The following PDGFD variants were observed in gnomAD, a reference collection of about 807,000 sequenced individuals.
PDGFD encodes platelet-derived growth factor D.
Under a neutral mutation model 44.7 loss-of-function variants are expected in PDGFD, and 30 were observed. The observed-to-expected ratio is 0.67, with a 90% CI of 0.50 to 0.91. The LOEUF (loss-of-function observed/expected upper bound fraction) is 0.91, where lower values mean the gene tolerates loss of function less well. PDGFD is among the 40% of genes least tolerant of loss of function. PDGFD has a pLI of 0.00. For synonymous variants in PDGFD, 173 were observed against 168.4 expected, an observed-to-expected ratio of 1.03 and a Z score of -0.21; for missense variants, 445 against 457.8, an observed-to-expected ratio of 0.97 and a Z score of 0.25.
At chr11:103,979,543 G>A (rs75218552) in intron 3 of PDGFD, among the ~76,000 whole-genome samples, 4,126 of 152,176 alleles carry the variant, frequency 0.027, 200 homozygotes, top group African/African-American at 0.094. Flanking sequence ...CTGCCATGGC[G>A]ATTGAGAGGC....
rs546475755 is a variant in PDGFD, at chr11:104,011,660, T to A, written c.125-11405A>T. Among the ~76,000 whole-genome samples the A allele has an allele frequency of 4.9e-4, 75 of 152,222 alleles. 1 individual carries two copies. The highest frequency in any genetic ancestry group is 1.6e-3 in the African/African-American group (65 of 41,576). ...CATCTGATTTCAACTTCAAATATTA[T>A]CTTTGGTAGCATAATATATGGATGA... On this transcript the variant is annotated intron_variant, in intron 1 of 6. Transcript: ENST00000393158.
intron 1 of PDGFD, among the ~76,000 whole-genome samples, chr11:104,053,510 A>G (rs1315269019): frequency 1.3e-5 from 2 of 152,230 alleles, no homozygotes; most frequent in African/African-American, 4.8e-5. Flanking sequence ...AAAATGCTTC[A>G]GATTGGGTTA....
intron 1 of PDGFD, among the ~76,000 whole-genome samples, chr11:104,016,752 G>A (rs772667314): frequency 1.1e-4 from 17 of 152,166 alleles, no homozygotes; most frequent in South Asian, 4.1e-4. Flanking sequence ...GCCACTGTTC[G>A]AATGAAAACA....
chr11:103,912,579 C>T (rs927495355), intron 6 of PDGFD, among the ~76,000 whole-genome samples: 1 of 152,102 alleles, frequency 6.6e-6, no homozygotes, highest in East Asian at 1.9e-4. Context: ...AACTAACGGG[C>T]AAAATAACCA....
At chr11:104,053,355 C>A (rs79166597) in intron 1 of PDGFD, among the ~76,000 whole-genome samples, 1 of 152,014 alleles carries the variant, frequency 6.6e-6, no homozygotes, top group African/African-American at 2.4e-5. Context: ...GAAATTTAAC[C>A]CTTTGCATGT....
intron 1 of PDGFD, among the ~76,000 whole-genome samples, chr11:104,149,007 A>G (rs1163625435): frequency 6.6e-6 from 1 of 152,142 alleles, no homozygotes; most frequent in Non-Finnish European, 1.5e-5. Context: ...TTATGTGGTT[A>G]CTAAAAATCT....
At chr11:104,160,428 C>T (rs980585343) in intron 1 of PDGFD, among the ~76,000 whole-genome samples, 40 of 152,136 alleles carry the variant, frequency 2.6e-4, no homozygotes, top group African/African-American at 8.2e-4. Context: ...CAGTTAATTG[C>T]TACCTTTACA....
chr11:103,962,813 T>C (rs1057223592), intron 3 of PDGFD, among the ~76,000 whole-genome samples: 2 of 152,172 alleles, frequency 1.3e-5, no homozygotes, highest in Non-Finnish European at 2.9e-5. Context: ...ATTAGATAAT[T>C]CACATGAAAC....
chr11:104,090,116 A>G (rs1348494527), intron 1 of PDGFD, among the ~76,000 whole-genome samples: 1 of 152,208 alleles, frequency 6.6e-6, no homozygotes, highest in Non-Finnish European at 1.5e-5. Flanking sequence ...GAAAGATAGA[A>G]AAGAAATATT....
chr11:104,081,174 A>T (rs1861040812), intron 1 of PDGFD, among the ~76,000 whole-genome samples: 1 of 152,192 alleles, frequency 6.6e-6, no homozygotes, highest in Admixed American at 6.5e-5. Flanking sequence ...AGTTTTCTTA[A>T]GCTACTAACG....
chr11:103,911,655 A>C (rs1384068749), intron 6 of PDGFD, among the ~76,000 whole-genome samples: 1 of 152,136 alleles, frequency 6.6e-6, no homozygotes, highest in Non-Finnish European at 1.5e-5. Flanking sequence ...AGTAGGCTTC[A>C]GAAGGTGGGT....
chr11:104,087,464 C>T (rs1054809884), intron 1 of PDGFD, among the ~76,000 whole-genome samples: 2 of 152,108 alleles, frequency 1.3e-5, no homozygotes, highest in African/African-American at 2.4e-5. Flanking sequence ...GCCTCAGTCT[C>T]CCAAAGTGCT....
chr11:104,105,026 C>T (rs1392419568), intron 1 of PDGFD, among the ~76,000 whole-genome samples: 2 of 152,106 alleles, frequency 1.3e-5, no homozygotes, highest in Admixed American at 1.3e-4. Context: ...AAATAGGTAA[C>T]ATTTATGTGA....
chr11:104,037,175 G>A (rs779548652), intron 1 of PDGFD: 5 of 1,613,508 alleles, frequency 3.1e-6, no homozygotes, highest in Non-Finnish European at 4.2e-6. Flanking sequence ...CAGCAGCAGC[G>A]CACACCCGCT....
chr11:104,039,891 T>A (rs260809), intron 1 of PDGFD, among the ~76,000 whole-genome samples: 95,025 of 151,902 alleles, frequency 0.63, 30,038 homozygotes, highest in Admixed American at 0.71. Flanking sequence ...TGTCTGACCC[T>A]TTAAAGTTAG....
intron 1 of PDGFD, among the ~76,000 whole-genome samples, chr11:104,158,547 C>T (rs1329374753): frequency 6.6e-6 from 1 of 152,166 alleles, no homozygotes; most frequent in Non-Finnish European, 1.5e-5. Flanking sequence ...AAATAATCAC[C>T]GAAGGCCGGG....
At chr11:104,100,272 T>A (rs966708760) in intron 1 of PDGFD, among the ~76,000 whole-genome samples, 4 of 152,028 alleles carry the variant, frequency 2.6e-5, no homozygotes, top group African/African-American at 7.2e-5. Context: ...TAAAAAATGA[T>A]AAAGGGGATA....
At chr11:103,979,304 CTTAGA>C (rs1052795689) in intron 3 of PDGFD, among the ~76,000 whole-genome samples, 4 of 152,052 alleles carry the variant, frequency 2.6e-5, no homozygotes, top group Non-Finnish European at 4.4e-5. Context: ...GTTCCCTCTA[CTTAGA>C]TTAATGATTC....
chr11:104,117,231 T>C (rs745819306), intron 1 of PDGFD, among the ~76,000 whole-genome samples: 11 of 151,940 alleles, frequency 7.2e-5, no homozygotes, highest in Non-Finnish European at 2.9e-5. Context: ...GGGACATACC[T>C]CAATGTAATA....
Sources: gnomAD v4.1 joint callset for allele counts (sites outside exome capture counted in the v4.1 genomes callset) on GRCh38, gnomAD v4.1.1 for gene constraint, MANE v1.5 for transcripts, NCBI Gene and HGNC (gene_info 2026-07-23, HGNC 2026-07-21) for gene names.